The following SLC22A23 variants were observed in gnomAD, a reference collection of about 807,000 sequenced individuals.
SLC22A23 encodes ion transporter protein.
A neutral mutation model predicts 61.0 loss-of-function variants in SLC22A23; 26 were observed. The ratio of observed to expected loss-of-function variants is 0.43; its 90% CI spans 0.31 to 0.59. The LOEUF (loss-of-function observed/expected upper bound fraction) is 0.59. Ranked by LOEUF, SLC22A23 falls within the 20% of genes least tolerant of loss-of-function variation. The probability of loss-of-function intolerance (pLI) is 0.11; values close to 1 mark genes in which losing one functional copy is unlikely to be tolerated. For synonymous variants in SLC22A23, 430 were observed against 413.9 expected, an observed-to-expected ratio of 1.04 and a Z score of -0.47; for missense variants, 796 against 934.7, an observed-to-expected ratio of 0.85 and a Z score of 1.94.
Position 3,272,959 on chromosome 6 carries a change from C to A in SLC22A23, c.*96G>T. 8.6e-7 allele frequency: 1 copy of A among 1,165,116 alleles called. No individual in the cohort carries two copies. Among genetic ancestry groups the A allele is most frequent in the Non-Finnish European group, 1.2e-6 (1 of 836,420 alleles). The allele number at this position is 1,165,116 out of a possible 1,614,324, so 72.2% of individuals were successfully genotyped here. ...GTTGAGAGGCTCAGCTTGGCTGAGG[C>A]AGCTTTCCCACCCCTGGCTGCGTGT... On this transcript the variant is annotated 3_prime_UTR_variant, in exon 10 of 10. Coordinates refer to ENST00000406686, the MANE Select transcript of SLC22A23 (RefSeq NM_015482.2).
rs772868215 is a variant in SLC22A23 at position 3,283,752 on chromosome 6, A to C, written c.1703+100T>G. 7.6e-6 allele frequency: 12 copies of C among 1,568,878 alleles called. No homozygotes were observed. The Admixed American group carries it at 1.0e-4, about 14-fold the overall frequency. ...GAAGCTGATGTGTCCAGAGCCAGAG[A>C]CAGAGCTGACGCTGGTTAATCCCAC... On this transcript the variant is annotated intron_variant, in intron 9 of 9. Coordinates refer to ENST00000406686, the MANE Select transcript of SLC22A23 (RefSeq NM_015482.2).
At chr6:3,375,320 C>T (rs940261565) in intron 3 of SLC22A23, among the ~76,000 whole-genome samples, 1 of 152,214 alleles carries the variant, frequency 6.6e-6, no homozygotes, top group Non-Finnish European at 1.5e-5. Context: ...CTTATAAACT[C>T]TGTAGAGTCT....
At chr6:3,315,786 C>G (rs897530363) in intron 4 of SLC22A23, among the ~76,000 whole-genome samples, 4 of 151,974 alleles carry the variant, frequency 2.6e-5, no homozygotes. Flanking sequence ...ATGGCGTGAA[C>G]CCAGGAGGCA....
chr6:3,442,870 C>T (rs1344671814), intron 1 of SLC22A23, among the ~76,000 whole-genome samples: 1 of 152,052 alleles, frequency 6.6e-6, no homozygotes, highest in Non-Finnish European at 1.5e-5. Context: ...GACTTAACAT[C>T]CTTAACCACA....
At chr6:3,394,206 C>T (rs1183056534) in intron 3 of SLC22A23, among the ~76,000 whole-genome samples, 1 of 152,160 alleles carries the variant, frequency 6.6e-6, no homozygotes, top group Non-Finnish European at 1.5e-5. Context: ...GCAGCTTGTA[C>T]TCTCTGGGTG....
At chr6:3,452,751 A>C (rs140523773) in intron 1 of SLC22A23, among the ~76,000 whole-genome samples, 13 of 152,126 alleles carry the variant, frequency 8.5e-5, no homozygotes, top group African/African-American at 2.9e-4. Context: ...TGTTGTCATT[A>C]TTTTGAAGGC....
chr6:3,415,910 G>A (rs996647243), intron 1 of SLC22A23, 55 bp from the exon 2 acceptor site: 42 of 1,332,192 alleles, frequency 3.2e-5, no homozygotes, highest in South Asian at 2.9e-4. Flanking sequence ...AGAGCTAGTC[G>A]TACTCAATTA....
intron 3 of SLC22A23, among the ~76,000 whole-genome samples, chr6:3,409,172 A>G (rs1164564297): frequency 6.6e-6 from 1 of 152,268 alleles, no homozygotes; most frequent in African/African-American, 2.4e-5. Context: ...ATGCAAGTAA[A>G]CTGGAAAAGG....
chr6:3,310,240 C>G (rs1037217268), intron 4 of SLC22A23, among the ~76,000 whole-genome samples: 1 of 147,038 alleles, frequency 6.8e-6, no homozygotes, highest in African/African-American at 2.7e-5. Flanking sequence ...CTGGAGCACC[C>G]TGTCTCCCAG....
intron 1 of SLC22A23, among the ~76,000 whole-genome samples, chr6:3,417,197 G>A (rs753910111): frequency 9.9e-5 from 15 of 152,214 alleles, no homozygotes; most frequent in Non-Finnish European, 2.1e-4. Flanking sequence ...GCCACTGCCT[G>A]TCACAATGTC....
intron 1 of SLC22A23, among the ~76,000 whole-genome samples, chr6:3,422,606 G>A (rs1770217250): frequency 1.3e-5 from 2 of 152,090 alleles, no homozygotes; most frequent in Admixed American, 1.3e-4. Context: ...AATTTTAGGA[G>A]GTTTGCTGTC....
Position 3,324,234 on chromosome 6 carries a change from G to A in SLC22A23, c.914-232C>T. ...CAAGGCCACAGGGCTAGTCGATGACGAAGGGATGCTATAATTCAGAGGAGC... is the reference window on the plus strand; with the variant it reads ...CAAGGCCACAGGGCTAGTCGATGACAAAGGGATGCTATAATTCAGAGGAGC... On this transcript the variant is annotated intron_variant, in intron 3 of 9. Coordinates refer to ENST00000406686, the MANE Select transcript of SLC22A23 (RefSeq NM_015482.2). This position sits in a 1 kb window ranked among gnomAD's most constrained non-coding sequence, Gnocchi z 4.3. The A allele has an allele frequency of 9.0e-6, 5 of 556,826 alleles. No homozygotes were observed. The highest frequency in any genetic ancestry group is 3.1e-5 in the Admixed American group (1 of 32,392). The allele number at this position is 556,826 out of a possible 1,614,324, so 34.5% of individuals were successfully genotyped here.
chr6:3,366,926 C>T (rs949329876), intron 3 of SLC22A23, among the ~76,000 whole-genome samples: 1 of 152,216 alleles, frequency 6.6e-6, no homozygotes, highest in African/African-American at 2.4e-5. Flanking sequence ...CTCAACTCCC[C>T]TGGCAGAAAT....
intron 9 of SLC22A23, among the ~76,000 whole-genome samples, chr6:3,276,465 A>G (rs1235917322): frequency 6.6e-6 from 1 of 152,184 alleles, no homozygotes; most frequent in Non-Finnish European, 1.5e-5. Context: ...CGATTTTCCT[A>G]GAACACAGAG....
At chr6:3,287,905 G>A (rs959576434) in intron 6 of SLC22A23, among the ~76,000 whole-genome samples, 4 of 152,014 alleles carry the variant, frequency 2.6e-5, no homozygotes, top group Admixed American at 6.5e-5. Context: ...GGCTGGCCTC[G>A]AACTCCTGAT....
At chr6:3,380,485 T>A (rs1252399436) in intron 3 of SLC22A23, among the ~76,000 whole-genome samples, 1 of 152,162 alleles carries the variant, frequency 6.6e-6, no homozygotes, top group African/African-American at 2.4e-5. Flanking sequence ...ATTGACATTA[T>A]CATGAAACTA....
At chr6:3,391,652 T>A (rs1767668921) in intron 3 of SLC22A23, among the ~76,000 whole-genome samples, 1 of 152,166 alleles carries the variant, frequency 6.6e-6, no homozygotes, top group South Asian at 2.1e-4. Context: ...GACCCTGCTT[T>A]CAAGGTGTTT....
At chr6:3,379,889 C>T (rs1366689504) in intron 3 of SLC22A23, among the ~76,000 whole-genome samples, 4 of 152,158 alleles carry the variant, frequency 2.6e-5, no homozygotes, top group African/African-American at 9.7e-5. Flanking sequence ...ATTGTGCACA[C>T]ATTTCCCCAG....
At chr6:3,375,026 C>A (rs184532468) in intron 3 of SLC22A23, among the ~76,000 whole-genome samples, 1 of 152,284 alleles carries the variant, frequency 6.6e-6, no homozygotes, top group East Asian at 1.9e-4. Flanking sequence ...ACTGAATGAA[C>A]AACGGTGCTG....
Sources: gnomAD v4.1 joint callset for allele counts (sites outside exome capture counted in the v4.1 genomes callset) on GRCh38, gnomAD v4.1.1 for gene constraint, Gnocchi (gnomAD v3.1) non-coding constraint, MANE v1.5 for transcripts, NCBI Gene and HGNC (gene_info 2026-07-23, HGNC 2026-07-21) for gene names.